Variants in CEP83 observed in about 807,000 individuals in gnomAD.
CEP83 encodes the protein centrosomal protein 83.
Under a neutral mutation model 101.9 loss-of-function variants are expected in CEP83, and 70 were observed. That is an observed-to-expected ratio of 0.69 (90% CI 0.57 to 0.84). CEP83 has a LOEUF of 0.84. Among genes scored for constraint, CEP83 ranks in the 40% least tolerant of loss-of-function variants. The probability of loss-of-function intolerance (pLI) is 0.00; values close to 1 mark genes in which losing one functional copy is unlikely to be tolerated. For missense variants in CEP83, 715 were observed against 787.2 expected, an observed-to-expected ratio of 0.91 and a Z score of 1.10; for synonymous variants, 264 against 267.9, an observed-to-expected ratio of 0.99 and a Z score of 0.14.
At chr12:94,273,194 CTTA>C in the CEP83 span, among the ~76,000 whole-genome samples, 9 of 152,210 alleles carry the variant, frequency 5.9e-5, no homozygotes, top group Admixed American at 2.0e-4. Context: ...AATGCTGGTC[CTTA>C]TTATTACAAA....
the CEP83 span, chr12:94,279,564 T>C: frequency 6.2e-7 from 1 of 1,614,118 alleles, no homozygotes; most frequent in Non-Finnish European, 8.5e-7. Context: ...GTGACACCAT[T>C]GGCCAAGCCA....
intron 1 of CEP83, among the ~76,000 whole-genome samples, chr12:94,456,626 G>A (rs112453755): frequency 0.019 from 2,921 of 152,258 alleles, 96 homozygotes; most frequent in African/African-American, 0.063. Context: ...GAATGCAGGA[G>A]GAACTACCAA....
chr12:94,289,704 AAAAAG>A, the CEP83 span, among the ~76,000 whole-genome samples: 2 of 152,324 alleles, frequency 1.3e-5, no homozygotes, highest in South Asian at 4.1e-4. Flanking sequence ...GACTTGTGCT[AAAAAG>A]AAAACGGAAA....
At chr12:94,308,967 G>T in intron 16 of CEP83, 50 bp from the exon 17 acceptor site, 1 of 1,307,178 alleles carries the variant, frequency 7.7e-7, no homozygotes, top group Non-Finnish European at 1.1e-6. Context: ...TAGAAAAACT[G>T]TTAGGTAGCA....
At chr12:94,296,332 T>C in the CEP83 span, among the ~76,000 whole-genome samples, 2 of 152,182 alleles carry the variant, frequency 1.3e-5, no homozygotes, top group African/African-American at 4.8e-5. Context: ...AGATACTCTT[T>C]AAAATTTTTT....
At chr12:94,378,692 G>C (rs1481028086) in intron 7 of CEP83, 99 bp downstream of exon 7, 2 of 1,289,904 alleles carry the variant, frequency 1.6e-6, no homozygotes, top group African/African-American at 1.5e-5. Context: ...ATCAGCATTA[G>C]CTTGGGGGGC....
intron 11 of CEP83, among the ~76,000 whole-genome samples, chr12:94,348,396 C>T (rs558715137): frequency 1.3e-5 from 2 of 152,090 alleles, no homozygotes; most frequent in East Asian, 3.9e-4. Context: ...TGAAGCAATT[C>T]GGAAAGGTGA....
chr12:94,335,709 T>G (rs765046834), intron 11 of CEP83, 45 bp from the exon 12 acceptor site: 9 of 1,228,320 alleles, frequency 7.3e-6, no homozygotes, highest in Non-Finnish European at 9.3e-6. Flanking sequence ...GAATCCATGA[T>G]TCATTTATTT....
chr12:94,292,594 A>G, the CEP83 span, among the ~76,000 whole-genome samples: 4 of 152,230 alleles, frequency 2.6e-5, no homozygotes, highest in African/African-American at 9.6e-5. Flanking sequence ...ATTTGCTTGG[A>G]TTCTAGAATA....
At chr12:94,369,896 C>T (rs2137039416) in intron 9 of CEP83, 26 bp downstream of exon 9, 2 of 1,128,784 alleles carry the variant, frequency 1.8e-6, no homozygotes, top group East Asian at 4.8e-5. Flanking sequence ...GCAGCAGCAG[C>T]AGCAGCAAGG....
chr12:94,388,548 C>T (rs1195578935), intron 6 of CEP83, among the ~76,000 whole-genome samples: 1 of 152,026 alleles, frequency 6.6e-6, no homozygotes, highest in African/African-American at 2.4e-5. Flanking sequence ...TCATGCAATA[C>T]ACCTGTGTAA....
intron 1 of CEP83, among the ~76,000 whole-genome samples, chr12:94,444,982 T>A (rs2066690565): frequency 1.3e-5 from 2 of 152,034 alleles, no homozygotes; most frequent in African/African-American, 4.8e-5. Context: ...ATTAACAAGC[T>A]GATTCTAAAA....
the CEP83 span, among the ~76,000 whole-genome samples, chr12:94,267,976 CTG>C: frequency 6.6e-6 from 1 of 152,134 alleles, no homozygotes; most frequent in African/African-American, 2.4e-5. Context: ...CAAACTGATT[CTG>C]TGTGTCCTTG....
intron 16 of CEP83, among the ~76,000 whole-genome samples, chr12:94,309,312 C>T (rs1001974465): frequency 6.6e-6 from 1 of 152,142 alleles, no homozygotes; most frequent in Non-Finnish European, 1.5e-5. Flanking sequence ...TGTTATAAAA[C>T]ATAATTACTT....
In CEP83 at chr12:94,411,735, C is replaced by A. The variant is rs2063895678; in HGVS notation, c.286G>T (p.Val96Leu). ...TCTTCTAAATCTTTAGTTTTCTCTACTAATTCTCCTCTTAGTTCTTCAAGC... is the reference window on the plus strand; with the variant it reads ...TCTTCTAAATCTTTAGTTTTCTCTAATAATTCTCCTCTTAGTTCTTCAAGC... ...LLLEELRGEL[V>L]EKTKDLEEMK... Residue 96 changes from valine to leucine, a missense_variant, in exon 4 of 17, where the codon GTA becomes TTA. Coordinates refer to ENST00000397809, the MANE Select transcript of CEP83 (RefSeq NM_016122.3). 1 of 1,609,520 alleles carries A rather than the reference C, an allele frequency of 6.2e-7. No individual in the cohort carries two copies. Among genetic ancestry groups the A allele is most frequent in the African/African-American group, 1.3e-5 (1 of 74,742 alleles).
intron 7 of CEP83, among the ~76,000 whole-genome samples, chr12:94,377,397 T>C (rs2061607222): frequency 6.6e-6 from 1 of 152,102 alleles, no homozygotes; most frequent in Non-Finnish European, 1.5e-5. Context: ...AAATTCAAAG[T>C]ACATAAATGC....
At chr12:94,289,432 C>T in the CEP83 span, among the ~76,000 whole-genome samples, 1 of 152,174 alleles carries the variant, frequency 6.6e-6, no homozygotes, top group African/African-American at 2.4e-5. Flanking sequence ...CCGTGCGTAC[C>T]AGTTCTGCTC....
At chr12:94,301,594 G>A (rs760564234), downstream of CEP83, among the ~76,000 whole-genome samples, 7 of 152,126 alleles carry the variant, frequency 4.6e-5, no homozygotes, top group Admixed American at 3.3e-4. Context: ...AGCAAACTTC[G>A]AAAGAGATGT....
At chr12:94,438,163 G>A (rs1157426299) in intron 1 of CEP83, among the ~76,000 whole-genome samples, 1 of 151,784 alleles carries the variant, frequency 6.6e-6, no homozygotes, top group Non-Finnish European at 1.5e-5. Flanking sequence ...AGGTTGCAGT[G>A]AGCCGAGATC....
Sources: allele counts gnomAD v4.1 joint callset (sites outside exome capture counted in the v4.1 genomes callset), GRCh38; gene constraint gnomAD v4.1.1; transcripts MANE v1.5; gene names NCBI Gene and HGNC (gene_info 2026-07-23, HGNC 2026-07-21).